Variants in SEMA6D observed in about 807,000 individuals in gnomAD.
SEMA6D encodes semaphorin-6D.
In SEMA6D, 35 loss-of-function variants were observed where a neutral mutation model predicts 106.6. The observed-to-expected ratio is 0.33, with a 90% CI of 0.25 to 0.44. The LOEUF (loss-of-function observed/expected upper bound fraction) is 0.44, where lower values mean the gene tolerates loss of function less well. Among genes scored for constraint, SEMA6D ranks in the 20% least tolerant of loss-of-function variants. The pLI is 1.00. For synonymous variants in SEMA6D, 499 were observed against 487.7 expected, an observed-to-expected ratio of 1.02 and a Z score of -0.31; for missense variants, 1,185 against 1,345.9, an observed-to-expected ratio of 0.88 and a Z score of 1.87.
chr15:47,292,994 A>C lies in SEMA6D; in HGVS notation c.-239+108576A>C, dbSNP rs369080907. On this transcript the variant is annotated intron_variant, in intron 1 of 19. Coordinates refer to the SEMA6D transcript ENST00000558014. Reference sequence around the variant, plus strand: ...GCTCTTGATGAGATATTTTGTTTTTATCAGGAAATTGATTTCTTGCATCTT... The same window carrying C: ...GCTCTTGATGAGATATTTTGTTTTTCTCAGGAAATTGATTTCTTGCATCTT... Among the ~76,000 whole-genome samples the C allele has an allele frequency of 5.3e-5, 8 of 152,176 alleles. No individual in the cohort carries two copies. The East Asian group carries it at 1.4e-3, about 26-fold the overall frequency.
chr15:47,243,774 G>A (rs1009003892), intron 1 of SEMA6D, among the ~76,000 whole-genome samples: 3 of 152,128 alleles, frequency 2.0e-5, no homozygotes, highest in Admixed American at 6.6e-5. Flanking sequence ...GATATGTTGA[G>A]TGTTCTTGTT....
chr15:47,701,323 A>G (rs1346860822), intron 4 of SEMA6D, among the ~76,000 whole-genome samples: 6 of 152,232 alleles, frequency 3.9e-5, no homozygotes, highest in Non-Finnish European at 2.9e-5. Flanking sequence ...TGTTGAACTC[A>G]TAGAAGTAGA....
chr15:47,405,712 A>T (rs773044786), intron 1 of SEMA6D, among the ~76,000 whole-genome samples: 7 of 152,124 alleles, frequency 4.6e-5, no homozygotes, highest in Non-Finnish European at 1.0e-4. Context: ...GGGGCCTCAT[A>T]TAAACTCTGC....
intron 4 of SEMA6D, among the ~76,000 whole-genome samples, chr15:47,666,995 T>C (rs1030234039): frequency 7.2e-5 from 11 of 152,054 alleles, no homozygotes; most frequent in African/African-American, 2.4e-4. Flanking sequence ...GGACTCAGCA[T>C]TGGAGTCACA....
At chr15:47,207,207 A>G (rs1170542720) in intron 1 of SEMA6D, among the ~76,000 whole-genome samples, 2 of 152,166 alleles carry the variant, frequency 1.3e-5, no homozygotes, top group Admixed American at 6.5e-5. Context: ...TGAAATGAAC[A>G]TTGATTATAT....
At chr15:47,765,220 C>G in intron 13 of SEMA6D, 164 bp downstream of exon 13, 1 of 1,403,258 alleles carries the variant, frequency 7.1e-7, no homozygotes, top group Non-Finnish European at 9.2e-7. Context: ...GTTTTTTTCC[C>G]GAGCCTGCTA....
At chr15:47,615,437 A>T (rs1023150039) in intron 4 of SEMA6D, among the ~76,000 whole-genome samples, 1 of 152,198 alleles carries the variant, frequency 6.6e-6, no homozygotes, top group African/African-American at 2.4e-5. Context: ...CCATGACTCT[A>T]GTTTTCTCAC....
intron 3 of SEMA6D, among the ~76,000 whole-genome samples, chr15:47,600,340 A>G (rs1277403199): frequency 6.6e-6 from 1 of 152,142 alleles, no homozygotes; most frequent in East Asian, 1.9e-4. Flanking sequence ...TGAGTGTTAT[A>G]CGACTGAACC....
chr15:47,238,625 G>C (rs979561205), intron 1 of SEMA6D, among the ~76,000 whole-genome samples: 1 of 152,016 alleles, frequency 6.6e-6, no homozygotes, highest in Admixed American at 6.6e-5. Flanking sequence ...AATTCAATAC[G>C]TGATTGTCAA....
intron 3 of SEMA6D, among the ~76,000 whole-genome samples, chr15:47,565,673 T>G (rs2046210039): frequency 6.6e-6 from 1 of 152,234 alleles, no homozygotes; most frequent in South Asian, 2.1e-4. Flanking sequence ...GTTTCTGGGG[T>G]GGGGAGGAAT....
At chr15:47,634,680 C>T (rs1231290346) in intron 4 of SEMA6D, among the ~76,000 whole-genome samples, 1 of 152,178 alleles carries the variant, frequency 6.6e-6, no homozygotes, top group Non-Finnish European at 1.5e-5. Flanking sequence ...GCTCAACCCA[C>T]CACTAGACCT....
chr15:47,184,630 G>A (rs1230775433), intron 1 of SEMA6D, among the ~76,000 whole-genome samples: 3 of 152,084 alleles, frequency 2.0e-5, no homozygotes, highest in Non-Finnish European at 4.4e-5. Context: ...ATGGCCCGAG[G>A]CGGCGGCAGA....
intron 18 of SEMA6D, among the ~76,000 whole-genome samples, chr15:47,769,379 A>T (rs911313796): frequency 1.3e-5 from 2 of 152,180 alleles, no homozygotes; most frequent in Admixed American, 1.3e-4. Context: ...ATCAGTTTTT[A>T]TGGCAGCACA....
At chr15:47,650,703 T>C (rs1313612864) in intron 4 of SEMA6D, among the ~76,000 whole-genome samples, 1 of 152,110 alleles carries the variant, frequency 6.6e-6, no homozygotes, top group African/African-American at 2.4e-5. Context: ...AAATGCAGAT[T>C]AAAGAGATGA....
intron 3 of SEMA6D, among the ~76,000 whole-genome samples, chr15:47,572,169 T>C (rs74013815): frequency 2.8e-3 from 429 of 152,318 alleles, no homozygotes; most frequent in African/African-American, 9.5e-3. Flanking sequence ...TTAGATGTCA[T>C]CCCTAGGGAA....
chr15:47,353,479 C>T (rs545917724), intron 1 of SEMA6D, among the ~76,000 whole-genome samples: 2 of 152,320 alleles, frequency 1.3e-5, no homozygotes, highest in East Asian at 3.9e-4. Flanking sequence ...TACCTTTCCA[C>T]ATGCCGTTCC....
chr15:47,545,673 T>C (rs563015242), intron 3 of SEMA6D, among the ~76,000 whole-genome samples: 1 of 152,286 alleles, frequency 6.6e-6, no homozygotes, highest in African/African-American at 2.4e-5. Flanking sequence ...AGACTCAAAT[T>C]AAACTCAAAT....
At chr15:47,671,053 G>A (rs1363685294) in intron 4 of SEMA6D, among the ~76,000 whole-genome samples, 1 of 152,038 alleles carries the variant, frequency 6.6e-6, no homozygotes, top group Non-Finnish European at 1.5e-5. Flanking sequence ...ATCAGTGGTG[G>A]GTTTTTTCCT....
chr15:47,410,708 T>A (rs541368376), intron 1 of SEMA6D, among the ~76,000 whole-genome samples: 226 of 152,286 alleles, frequency 1.5e-3, no homozygotes, highest in African/African-American at 5.3e-3. Flanking sequence ...CCAGACCTAT[T>A]GATTCAGAAT....
Sources: allele counts gnomAD v4.1 joint callset (sites outside exome capture counted in the v4.1 genomes callset), GRCh38; gene constraint gnomAD v4.1.1; transcripts MANE v1.5; gene names NCBI Gene and HGNC (gene_info 2026-07-23, HGNC 2026-07-21).